The following PDCD7 variants were observed in gnomAD, a reference collection of about 807,000 sequenced individuals.
The protein encoded by PDCD7 is programmed cell death 7, also known as programmed cell death protein 7.
In PDCD7, 40 loss-of-function variants were observed where a neutral mutation model predicts 42.1. The observed-to-expected ratio is 0.95, with a 90% CI of 0.74 to 1.24. PDCD7 has a LOEUF of 1.24. PDCD7 is among the 50% of genes most tolerant of loss of function. The pLI is 0.00. For missense variants in PDCD7, 644 were observed against 662.8 expected (o/e 0.97, Z 0.31); for synonymous variants, 299 against 303.3 (o/e 0.99, Z 0.15).
At chr15:65,132,828 T>C in intron 1 of PDCD7, 84 bp downstream of exon 1, 3 of 1,571,942 alleles carry the variant, frequency 1.9e-6, no homozygotes, top group South Asian at 1.1e-5. Context: ...GGCTTAGCCC[T>C]GGGAAATGGA....
intron 2 of PDCD7, among the ~76,000 whole-genome samples, chr15:65,127,289 C>T (rs2087503918): frequency 6.6e-6 from 1 of 152,146 alleles, no homozygotes; most frequent in African/African-American, 2.4e-5. Flanking sequence ...AACCCCGTCT[C>T]TACTAAAAAT....
chr15:65,133,339 TC>T lies in PDCD7; in HGVS notation c.442del (p.Glu148ArgfsTer44). ...LQRLRDRQWL[E>X]AVFGTPRRAG... ...CCGCCGCGGGGTCCCGAACACCGCC[TC>T]CAGCCACTGCCGGTCGCGCAGGCGT... is the stretch of plus-strand genomic sequence containing the variant. On this transcript the variant is annotated frameshift_variant, in exon 1 of 5. Coordinates refer to ENST00000204549, the MANE Select transcript of PDCD7 (RefSeq NM_005707.2). LOFTEE classifies it high-confidence loss of function. 1 of 1,266,404 alleles carries T rather than the reference TC, an allele frequency of 7.9e-7. No homozygotes were observed. The highest frequency in any genetic ancestry group is 2.8e-5 in the South Asian group (1 of 35,494). The allele number at this position is 1,266,404 out of a possible 1,614,324, so 78.4% of individuals were successfully genotyped here. A position where few individuals can be genotyped will look rare whatever the true frequency, so the allele number is the denominator to read the frequency against.
At chr15:65,129,914 T>TA (rs757934508) in intron 1 of PDCD7, among the ~76,000 whole-genome samples, 12 of 145,370 alleles carry the variant, frequency 8.3e-5, no homozygotes, top group Non-Finnish European at 1.8e-4. Flanking sequence ...TGAAACTTTG[T>TA]ATTTTTTTTT....
chr15:65,119,424 T>C lies in PDCD7; in HGVS notation c.1286A>G (p.Gln429Arg), dbSNP rs773878045. ...PLAHLLEPFR[Q>R]YYLQAEHSLP... is the part of the protein sequence containing the mutation. Reference sequence around the variant, plus strand: ...GGAGTGCTCGGCTTGGAGATAATACTGTCGGAAAGGCTCCAAGAGGTGAGC... The same window carrying C: ...GGAGTGCTCGGCTTGGAGATAATACCGTCGGAAAGGCTCCAAGAGGTGAGC... The change falls in exon 4 of 5, where the codon CAG becomes CGG. Residue 429 changes from glutamine to arginine, a missense_variant. By Grantham distance (43) the Gln-to-Arg change is conservative (BLOSUM62 1). Coordinates refer to ENST00000204549, the MANE Select transcript of PDCD7 (RefSeq NM_005707.2). 1.2e-6 allele frequency: 2 copies of C among 1,614,052 alleles called. No homozygotes were observed. The highest frequency in any genetic ancestry group is 2.2e-5 in the East Asian group (1 of 44,876).
At chr15:65,122,410 A>G (rs2087462782) in intron 2 of PDCD7, among the ~76,000 whole-genome samples, 1 of 152,128 alleles carries the variant, frequency 6.6e-6, no homozygotes, top group Non-Finnish European at 1.5e-5. Flanking sequence ...CATTACCATA[A>G]TCAACCATTT....
chr15:65,130,113 G>A (rs2087527027), intron 1 of PDCD7, among the ~76,000 whole-genome samples: 1 of 150,078 alleles, frequency 6.7e-6, no homozygotes, highest in Non-Finnish European at 1.5e-5. Context: ...CAAAATGCTG[G>A]GATTACAGGA....
At position 65,119,922 on chromosome 15, in the gene PDCD7, A is replaced by C; in HGVS notation, c.1042T>G (p.Phe348Val). The change falls in exon 3 of 5, where the codon TTT becomes GTT. Residue 348 changes from phenylalanine to valine, a missense_variant. By Grantham distance (50) the Phe-to-Val change is conservative. Transcript: ENST00000204549. ...CTCAGTCGCTGAAGATGATGCGTAA[A>C]AGTCTCATCTGCTGAGGCTGGAGGA... The part of the protein sequence containing the change: ...VCPPASADET[F>V]THHLQRLRKL... The C allele has an allele frequency of 6.2e-7, 1 of 1,614,074 alleles. No individual in the cohort carries two copies. Among genetic ancestry groups the C allele is most frequent in the Non-Finnish European group, 8.5e-7 (1 of 1,180,020 alleles).
At chr15:65,119,617 T>C in intron 3 of PDCD7, 101 bp downstream of exon 3, 1 of 1,288,970 alleles carries the variant, frequency 7.8e-7, no homozygotes, top group Non-Finnish European at 1.1e-6. Context: ...ATCTGGAAGG[T>C]GTCATTTGTT....
intron 1 of PDCD7, among the ~76,000 whole-genome samples, chr15:65,129,817 G>A (rs2087524790): frequency 6.6e-6 from 1 of 152,030 alleles, no homozygotes; most frequent in Non-Finnish European, 1.5e-5. Flanking sequence ...CTACTCAGGA[G>A]GCTAAGGCGA....
At position 65,118,678 on chromosome 15, in the gene PDCD7, A is replaced by G. The variant is rs761294659; in HGVS notation, c.*39T>C. The G allele has an allele frequency of 5.2e-6, 8 of 1,541,964 alleles. No individual in the cohort carries two copies. Among genetic ancestry groups the G allele is most frequent in the Non-Finnish European group, 6.1e-6 (7 of 1,144,918 alleles). On this transcript the variant is annotated 3_prime_UTR_variant, in exon 5 of 5. Transcript: ENST00000204549. ...CACCATCGCTAATATTTACAGCTGG[A>G]AAGAGCGCTGGCTGGACCACACTCC...
rs990336463 is a variant in PDCD7, at chr15:65,133,627, G to A, written c.155C>T (p.Ser52Phe). ...CAGCGGAGGCTGAAGGAAGGGGGCG[G>A]AGGCCCCCGGAAAAGGGCCGGGCCG... Reference protein sequence around the residue: ...PQRPGPFPGASAPFLQPPLAL... With the variant: ...PQRPGPFPGAFAPFLQPPLAL... Residue 52 changes from serine (S) to phenylalanine (F), a missense_variant, in exon 1 of 5, where the codon TCC becomes TTC. Transcript: ENST00000204549. The A allele has an allele frequency of 1.3e-5, 16 of 1,250,408 alleles. No individual in the cohort carries two copies. Among genetic ancestry groups the A allele is most frequent in the East Asian group, 3.1e-5 (1 of 31,888 alleles). 77.5% of individuals were successfully genotyped at this position (1,250,408 alleles called of 1,614,324 possible). A position where few individuals can be genotyped will look rare whatever the true frequency, so the allele number is the denominator to read the frequency against.
At chr15:65,132,665 C>T (rs1363742990) in intron 1 of PDCD7, among the ~76,000 whole-genome samples, 5 of 152,196 alleles carry the variant, frequency 3.3e-5, no homozygotes, top group East Asian at 1.9e-4. Context: ...ACCTGTCATT[C>T]GTGCAGTGCC....
chr15:65,127,320 G>A (rs1056028828), intron 2 of PDCD7, among the ~76,000 whole-genome samples: 13 of 152,152 alleles, frequency 8.5e-5, no homozygotes, highest in Admixed American at 5.9e-4. Flanking sequence ...AGCCGGGCGC[G>A]GTGGTGGGCG....
intron 2 of PDCD7, among the ~76,000 whole-genome samples, 189 bp downstream of exon 2, chr15:65,128,843 C>T (rs895281179): frequency 2.0e-5 from 3 of 152,230 alleles, no homozygotes; most frequent in Non-Finnish European, 2.9e-5. Flanking sequence ...ATCTGGGCTA[C>T]CACAGGCTAA....
chr15:65,126,516 G>A lies in PDCD7; in HGVS notation c.1009+2516C>T, dbSNP rs549101271. 7.2e-5 allele frequency among the ~76,000 whole-genome samples: 11 copies of A among 152,246 alleles called. No individual in the cohort carries two copies. The South Asian group carries it at 2.3e-3, about 32-fold the overall frequency. On this transcript the variant is annotated intron_variant, in intron 2 of 4. Coordinates refer to ENST00000204549, the MANE Select transcript of PDCD7 (RefSeq NM_005707.2). ...CACCCTTAATCCTAGAACTTTGGGA[G>A]GCCAAGATGGGAGAATCGCTTGAGC...
Position 65,133,749 on chromosome 15 carries a change from G to A in PDCD7, c.33C>T (p.Arg11=), listed in dbSNP as rs1357683945. The A allele has an allele frequency of 9.8e-6, 13 of 1,326,730 alleles. No individual in the cohort carries two copies. The highest frequency in any genetic ancestry group is 1.3e-5 in the Non-Finnish European group (13 of 1,035,842). The allele number at this position is 1,326,730 out of a possible 1,614,324, so 82.2% of individuals were successfully genotyped here. Residue 11 remains arginine (R), a synonymous_variant, in exon 1 of 5, where the codon CGC becomes CGT. Coordinates refer to ENST00000204549, the MANE Select transcript of PDCD7 (RefSeq NM_005707.2). MALPPFFGQG[R]PGPPPPQPPP... The stretch of plus-strand genomic sequence containing the variant: ...GCGGCTGCGGGGGCGGTGGGCCTGG[G>A]CGACCCTGGCCGAAGAATGGTGGCA...
intron 2 of PDCD7, among the ~76,000 whole-genome samples, chr15:65,127,169 T>C (rs185070605): frequency 2.6e-5 from 4 of 152,106 alleles, no homozygotes; most frequent in African/African-American, 9.7e-5. Flanking sequence ...TTAAAAACTT[T>C]CAGCGGGGCC....
intron 1 of PDCD7, among the ~76,000 whole-genome samples, chr15:65,132,619 A>G (rs1168317450): frequency 6.6e-6 from 1 of 152,172 alleles, no homozygotes; most frequent in Non-Finnish European, 1.5e-5. Flanking sequence ...ACTGGTTTTG[A>G]GAGTAAGTGG....
chr15:65,131,135 T>A (rs950064009), intron 1 of PDCD7, among the ~76,000 whole-genome samples: 1 of 152,138 alleles, frequency 6.6e-6, no homozygotes, highest in Non-Finnish European at 1.5e-5. Context: ...CCCCATTGCT[T>A]GCATTACCAC....
Sources: gnomAD v4.1 joint callset for allele counts (sites outside exome capture counted in the v4.1 genomes callset) on GRCh38, gnomAD v4.1.1 for gene constraint, MANE v1.5 for transcripts, NCBI Gene and HGNC (gene_info 2026-07-23, HGNC 2026-07-21) for gene names.